Variants in ACOXL observed in about 807,000 individuals in gnomAD.
ACOXL encodes the protein acyl-coenzyme A oxidase-like protein.
In ACOXL, 70 loss-of-function variants were observed where a neutral mutation model predicts 71.9. The ratio of observed to expected loss-of-function variants is 0.97; its 90% confidence interval spans 0.80 to 1.19. The LOEUF (loss-of-function observed/expected upper bound fraction) is 1.19. Ranked by LOEUF, ACOXL falls within the 50% of genes most tolerant of loss-of-function variation. ACOXL has a pLI of 0.00. For synonymous variants in ACOXL, 253 were observed against 281.6 expected (o/e 0.90, Z 1.02); for missense variants, 703 against 736.3 (o/e 0.95, Z 0.52).
intron 9 of ACOXL, among the ~76,000 whole-genome samples, chr2:110,820,806 T>C (rs1688507514): frequency 6.6e-6 from 1 of 152,082 alleles, no homozygotes; most frequent in Non-Finnish European, 1.5e-5. Context: ...AATTCACCAA[T>C]TGGGTTGCAG....
intron 14 of ACOXL, among the ~76,000 whole-genome samples, chr2:111,020,062 G>A (rs914858790): frequency 1.3e-5 from 2 of 152,174 alleles, no homozygotes; most frequent in African/African-American, 4.8e-5. Context: ...GTTTCACCCT[G>A]TTGGCCAGGC....
chr2:111,023,529 G>A (rs1001038528), intron 14 of ACOXL, among the ~76,000 whole-genome samples: 1 of 152,196 alleles, frequency 6.6e-6, no homozygotes, highest in Non-Finnish European at 1.5e-5. Context: ...GCATGAGGAA[G>A]GGGCCATCTG....
intron 9 of ACOXL, among the ~76,000 whole-genome samples, chr2:110,836,834 A>G (rs538950355): frequency 1.3e-5 from 2 of 152,356 alleles, no homozygotes; most frequent in African/African-American, 2.4e-5. Context: ...TTTGTCGCCT[A>G]TGCGTAGATT....
At chr2:110,996,386 A>G (rs540074986) in intron 14 of ACOXL, among the ~76,000 whole-genome samples, 2 of 152,346 alleles carry the variant, frequency 1.3e-5, no homozygotes, top group Admixed American at 6.5e-5. Flanking sequence ...ACATTGGGTT[A>G]GTCTAAGATG....
At position 110,805,424 on chromosome 2, in the gene ACOXL, T is replaced by C. The variant is rs530334434; in HGVS notation, c.753+29T>C. ...ATTGACTCTGATTTTAACTTAATTA[T>C]CTACTGTGAATTCTCTCACGACTCA... On this transcript the variant is annotated intron_variant, in intron 9 of 17. Transcript: ENST00000439055. 8 of 1,613,948 alleles carry C rather than the reference T, an allele frequency of 5.0e-6. 1 individual carries two copies. Among genetic ancestry groups the C allele is most frequent in the Admixed American group, 1.7e-5 (1 of 60,020 alleles).
intron 1 of ACOXL, among the ~76,000 whole-genome samples, chr2:110,763,522 A>T (rs1680669322): frequency 6.6e-6 from 1 of 152,204 alleles, no homozygotes; most frequent in Non-Finnish European, 1.5e-5. Flanking sequence ...CATAGACCTT[A>T]CACCCTTCAC....
chr2:110,802,958 A>G (rs1686179768), intron 8 of ACOXL, among the ~76,000 whole-genome samples: 1 of 152,238 alleles, frequency 6.6e-6, no homozygotes, highest in African/African-American at 2.4e-5. Flanking sequence ...TATACAATAT[A>G]TAATGTATCA....
chr2:110,901,593 GTATT>G (rs2059232212), intron 10 of ACOXL, among the ~76,000 whole-genome samples: 1 of 151,896 alleles, frequency 6.6e-6, no homozygotes, highest in Admixed American at 6.6e-5. Flanking sequence ...GCCATTTTGT[GTATT>G]TAATCACAGT....
At chr2:110,752,471 A>T (rs1679118793) in intron 1 of ACOXL, among the ~76,000 whole-genome samples, 1 of 151,832 alleles carries the variant, frequency 6.6e-6, no homozygotes, top group African/African-American at 2.4e-5. Context: ...TAAATAAAAG[A>T]AGTAAAAAAT....
chr2:110,888,174 T>A (rs1265855156), intron 10 of ACOXL, among the ~76,000 whole-genome samples: 1 of 152,118 alleles, frequency 6.6e-6, no homozygotes. Context: ...CCAACCCCTA[T>A]CACCCTGGGC....
chr2:110,998,981 G>A (rs2149606565), intron 14 of ACOXL, among the ~76,000 whole-genome samples: 1 of 152,316 alleles, frequency 6.6e-6, no homozygotes, highest in Non-Finnish European at 1.5e-5. Context: ...TAAACAATGA[G>A]TAAATGTGTG....
intron 1 of ACOXL, among the ~76,000 whole-genome samples, chr2:110,744,478 A>G (rs781535808): frequency 6.6e-6 from 1 of 152,206 alleles, no homozygotes; most frequent in Non-Finnish European, 1.5e-5. Context: ...AGGTGAAGAA[A>G]ATGGTGAGCT....
intron 1 of ACOXL, among the ~76,000 whole-genome samples, chr2:110,735,558 G>A (rs1676726878): frequency 6.6e-6 from 1 of 152,228 alleles, no homozygotes; most frequent in African/African-American, 2.4e-5. Context: ...CTCAGAGGAG[G>A]AGTTCATTCC....
At chr2:110,858,850 A>G (rs913114517) in intron 10 of ACOXL, among the ~76,000 whole-genome samples, 5 of 152,218 alleles carry the variant, frequency 3.3e-5, no homozygotes, top group African/African-American at 7.2e-5. Flanking sequence ...ACAGGTTTAA[A>G]AGACCCCTCT....
At chr2:110,967,963 T>C in intron 12 of ACOXL, 1 of 930,962 alleles carries the variant, frequency 1.1e-6, no homozygotes, top group Non-Finnish European at 1.7e-6. Context: ...TAAAAATAAA[T>C]ACAACACACC....
intron 1 of ACOXL, among the ~76,000 whole-genome samples, chr2:110,739,838 T>A (rs563074111): frequency 6.6e-6 from 1 of 152,380 alleles, no homozygotes; most frequent in South Asian, 2.1e-4. Flanking sequence ...GCCTGTTCAC[T>A]GTCTAGGTGA....
chr2:111,065,593 G>C (rs1389988906), intron 16 of ACOXL, among the ~76,000 whole-genome samples: 3 of 152,070 alleles, frequency 2.0e-5, no homozygotes, highest in African/African-American at 7.2e-5. Context: ...CTACAGTCTG[G>C]GATATGTTTG....
intron 11 of ACOXL, among the ~76,000 whole-genome samples, chr2:110,913,353 A>G (rs1020917688): frequency 4.6e-5 from 7 of 152,216 alleles, no homozygotes; most frequent in Non-Finnish European, 7.3e-5. Flanking sequence ...GAAAAAATCC[A>G]GATGTCCATA....
intron 14 of ACOXL, among the ~76,000 whole-genome samples, chr2:110,999,239 C>A (rs2063518903): frequency 6.6e-6 from 1 of 152,136 alleles, no homozygotes; most frequent in South Asian, 2.1e-4. Flanking sequence ...TGCACCCACA[C>A]CCCTGGTGTC....
Sources: allele counts gnomAD v4.1 joint callset (sites outside exome capture counted in the v4.1 genomes callset), GRCh38; gene constraint gnomAD v4.1.1; transcripts MANE v1.5; gene names NCBI Gene and HGNC (gene_info 2026-07-23, HGNC 2026-07-21).